The following SNAP25 variants were observed in gnomAD, a reference collection of about 807,000 sequenced individuals.
SNAP25 encodes synaptosome associated protein 25, also known as synaptosomal-associated protein 25.
SNAP25 carries 3 observed loss-of-function variants against 28.7 expected under a neutral mutation model. The ratio of observed to expected loss-of-function variants is 0.10; its 90% confidence interval spans 0.05 to 0.27. SNAP25 has a LOEUF of 0.27. SNAP25 is among the 10% of genes least tolerant of loss of function. The probability of loss-of-function intolerance (pLI) is 1.00; values close to 1 mark genes in which losing one functional copy is unlikely to be tolerated. For synonymous variants in SNAP25, 61 were observed against 88.1 expected (o/e 0.69, Z 1.72); for missense variants, 117 against 278.7 (o/e 0.42, Z 4.13).
chr20:10,230,954 G>T (rs1032847965), intron 1 of SNAP25, among the ~76,000 whole-genome samples: 3 of 152,056 alleles, frequency 2.0e-5, no homozygotes, highest in Non-Finnish European at 2.9e-5. Flanking sequence ...CTTCAACAGT[G>T]GCCCAATCCC....
rs1435667980 is a variant in SNAP25, at chr20:10,284,707, C to T, written c.115-17C>T. Reference sequence around the variant, plus strand: ...CTCTAACTCCTTTTCAACTTTGCTACCATTATTGGAATGTAGAGTAAAGAT... The same window carrying T: ...CTCTAACTCCTTTTCAACTTTGCTATCATTATTGGAATGTAGAGTAAAGAT... On this transcript the variant is annotated splice_polypyrimidine_tract_variant and intron_variant, in intron 3 of 7. Transcript: ENST00000254976. 6.2e-7 allele frequency: 1 copy of T among 1,606,926 alleles called. No homozygotes were observed. Among genetic ancestry groups the T allele is most frequent in the Admixed American group, 1.7e-5 (1 of 59,948 alleles).
chr20:10,292,260 G>A lies in SNAP25; in HGVS notation c.164-901G>A, dbSNP rs547387112. Among the ~76,000 whole-genome samples the A allele has an allele frequency of 3.3e-5, 5 of 152,304 alleles. No homozygotes were observed. The East Asian group carries it at 9.6e-4, about 29-fold the overall frequency. On this transcript the variant is annotated intron_variant, in intron 4 of 7. Coordinates refer to ENST00000254976, the MANE Select transcript of SNAP25 (RefSeq NM_130811.4). ...ATTGCAATGTTCCAGGACTTACAATGTTGCTGTGTGGATGTTACTCTTTTT... is the reference window on the plus strand; with the variant it reads ...ATTGCAATGTTCCAGGACTTACAATATTGCTGTGTGGATGTTACTCTTTTT...
chr20:10,244,884 C>T (rs1233617765), intron 1 of SNAP25, among the ~76,000 whole-genome samples: 3 of 152,054 alleles, frequency 2.0e-5, no homozygotes, highest in Non-Finnish European at 4.4e-5. Flanking sequence ...GCACGCGCCA[C>T]CAAGCCCAGG....
chr20:10,282,628 C>A (rs1325484336), intron 3 of SNAP25, among the ~76,000 whole-genome samples: 1 of 152,136 alleles, frequency 6.6e-6, no homozygotes, highest in African/African-American at 2.4e-5. Flanking sequence ...CTGGACTGAC[C>A]AAACTAAAAT....
intron 5 of SNAP25, among the ~76,000 whole-genome samples, chr20:10,296,050 TCCTGCTAGTG>T (rs2064102013): frequency 6.6e-6 from 1 of 152,232 alleles, no homozygotes; most frequent in Admixed American, 6.5e-5. Flanking sequence ...GCTATTACTG[TCCTGCTAGTG>T]CCTTTTTCGA....
intron 1 of SNAP25, among the ~76,000 whole-genome samples, chr20:10,228,450 A>C (rs1025738682): frequency 1.3e-5 from 2 of 152,146 alleles, no homozygotes; most frequent in African/African-American, 4.8e-5. Context: ...GAGTCAGCCA[A>C]ATCTAAAAAG....
At chr20:10,251,664 C>A (rs6514092) in intron 1 of SNAP25, among the ~76,000 whole-genome samples, 41,842 of 152,058 alleles carry the variant, frequency 0.28, 6,067 homozygotes, top group Middle Eastern at 0.4. Flanking sequence ...CCATGTTTGC[C>A]CTTGTGATTA....
chr20:10,264,806 G>A (rs1240339732), intron 1 of SNAP25, among the ~76,000 whole-genome samples: 3 of 152,128 alleles, frequency 2.0e-5, no homozygotes, highest in East Asian at 1.9e-4. Flanking sequence ...TGTTGAAAAT[G>A]CAGATGCTAG....
chr20:10,278,826 C>G (rs2063732740), intron 3 of SNAP25, among the ~76,000 whole-genome samples: 2 of 151,412 alleles, frequency 1.3e-5, no homozygotes, highest in African/African-American at 4.9e-5. Context: ...GCTTCAGCTT[C>G]TCACCTAGGA....
intron 1 of SNAP25, among the ~76,000 whole-genome samples, chr20:10,222,039 C>G (rs1226762140): frequency 1.3e-5 from 2 of 152,266 alleles, no homozygotes; most frequent in East Asian, 3.8e-4. Context: ...AGCCTCAGCG[C>G]TGGATACTTT....
intron 2 of SNAP25, 141 bp downstream of exon 2, chr20:10,275,704 A>G (rs2063680874): frequency 3.4e-6 from 2 of 584,872 alleles, no homozygotes; most frequent in Admixed American, 3.5e-5. Flanking sequence ...TTTTCTGTAC[A>G]CCTAAGGCTT....
intron 1 of SNAP25, among the ~76,000 whole-genome samples, chr20:10,229,108 A>C (rs1450485022): frequency 6.6e-6 from 1 of 152,090 alleles, no homozygotes; most frequent in Non-Finnish European, 1.5e-5. Flanking sequence ...CTTGTATTTT[A>C]AAGATGCTTG....
At chr20:10,284,939 T>C (rs2063846642) in intron 4 of SNAP25, among the ~76,000 whole-genome samples, 167 bp downstream of exon 4, 1 of 152,230 alleles carries the variant, frequency 6.6e-6, no homozygotes, top group Non-Finnish European at 1.5e-5. Context: ...GTTGAAAAGA[T>C]TGGTAAATGT....
At chr20:10,298,952 A>G (rs2064172497) in intron 6 of SNAP25, among the ~76,000 whole-genome samples, 1 of 152,206 alleles carries the variant, frequency 6.6e-6, no homozygotes, top group South Asian at 2.1e-4. Flanking sequence ...TTCAAAGAAA[A>G]TGTTTTCATC....
At chr20:10,242,047 C>T (rs181866858) in intron 1 of SNAP25, among the ~76,000 whole-genome samples, 54 of 152,282 alleles carry the variant, frequency 3.5e-4, no homozygotes, top group African/African-American at 1.2e-3. Flanking sequence ...TAATGGCCAG[C>T]GGGTGCGCAC....
intron 1 of SNAP25, among the ~76,000 whole-genome samples, chr20:10,240,622 C>T (rs2122732026): frequency 6.6e-6 from 1 of 152,316 alleles, no homozygotes; most frequent in East Asian, 1.9e-4. Context: ...TGCAAGTGTT[C>T]CTGCCCTACA....
chr20:10,263,312 C>T (rs889812341), intron 1 of SNAP25, among the ~76,000 whole-genome samples: 4 of 151,024 alleles, frequency 2.6e-5, no homozygotes, highest in Non-Finnish European at 5.9e-5. Flanking sequence ...AGCCACCGCA[C>T]CAGGCCAACC....
chr20:10,230,012 G>C (rs1951234657), intron 1 of SNAP25, among the ~76,000 whole-genome samples: 1 of 152,096 alleles, frequency 6.6e-6, no homozygotes, highest in Non-Finnish European at 1.5e-5. Context: ...AAGGAGAAAG[G>C]GCTGCAGAAA....
rs567529136 is a variant in SNAP25 at position 10,258,316 on chromosome 20, T to C, written c.-63-17113T>C. Among the ~76,000 whole-genome samples, 4 of 152,360 alleles carry C rather than the reference T, an allele frequency of 2.6e-5. No individual in the cohort carries two copies. The East Asian group carries it at 7.7e-4, about 29-fold the overall frequency. On this transcript the variant is annotated intron_variant, in intron 1 of 7. Transcript: ENST00000254976. The stretch of plus-strand genomic sequence containing the variant: ...CTTTGAACCAGCTTTACCATCTTGT[T>C]GGCTCTCTCATTAATGAGTTAATAA...
Sources: gnomAD v4.1 joint callset for allele counts (sites outside exome capture counted in the v4.1 genomes callset) on GRCh38, gnomAD v4.1.1 for gene constraint, MANE v1.5 for transcripts, NCBI Gene and HGNC (gene_info 2026-07-23, HGNC 2026-07-21) for gene names.